The following SLC12A2 variants were observed in gnomAD, a reference collection of about 807,000 sequenced individuals.
SLC12A2 encodes Na-K-2Cl cotransporter 1.
A neutral mutation model predicts 136.3 loss-of-function variants in SLC12A2; 67 were observed. The observed-to-expected ratio is 0.49, with a 90% CI of 0.40 to 0.60. SLC12A2 has a LOEUF of 0.60. Among genes scored for constraint, SLC12A2 ranks in the 20% least tolerant of loss-of-function variants. The pLI, the probability that SLC12A2 is intolerant of heterozygous loss-of-function variation, is 0.00. For synonymous variants in SLC12A2, 619 were observed against 562.9 expected (o/e 1.10, Z -1.41); for missense variants, 1,322 against 1,534.7 (o/e 0.86, Z 2.32).
chr5:128,086,396 A>G (rs978158809), intron 1 of SLC12A2, among the ~76,000 whole-genome samples: 2 of 152,010 alleles, frequency 1.3e-5, no homozygotes, highest in Admixed American at 6.6e-5. Context: ...AAATCACCCA[A>G]CCTCTTAGCT....
At chr5:128,120,950 G>A (rs1175431045) in intron 4 of SLC12A2, among the ~76,000 whole-genome samples, 2 of 151,948 alleles carry the variant, frequency 1.3e-5, no homozygotes, top group South Asian at 2.1e-4. Context: ...GAATTATAAC[G>A]TGTTTATATT....
At chr5:128,142,501 A>C (rs1307638026) in intron 10 of SLC12A2, among the ~76,000 whole-genome samples, 1 of 151,944 alleles carries the variant, frequency 6.6e-6, no homozygotes, top group African/African-American at 2.4e-5. Flanking sequence ...AAGAGCCCCT[A>C]GGAGGTAATG....
rs1350132275 is a variant in SLC12A2, at chr5:128,105,664, T to C, written c.757-7150T>C. Among the ~76,000 whole-genome samples, 4 of 152,190 alleles carry C rather than the reference T, an allele frequency of 2.6e-5. No individual in the cohort carries two copies. In the East Asian group the frequency reaches 7.7e-4, roughly 29 times the overall value. On this transcript the variant is annotated intron_variant, in intron 1 of 26. Coordinates refer to ENST00000262461, the MANE Select transcript of SLC12A2 (RefSeq NM_001046.3). ...AGGAGAGGGAATGATCAAGTTGAGG[T>C]GGAAATTTGAATATACTAGGGAAAG...
intron 1 of SLC12A2, among the ~76,000 whole-genome samples, chr5:128,112,484 G>A (rs1761187118): frequency 6.6e-6 from 1 of 152,212 alleles, no homozygotes; most frequent in Admixed American, 6.5e-5. Context: ...GATGGGGTCT[G>A]AATTGATCGA....
chr5:128,177,312 TA>T (rs1234109702), intron 21 of SLC12A2, among the ~76,000 whole-genome samples, 160 bp downstream of exon 21: 1 of 152,128 alleles, frequency 6.6e-6, no homozygotes, highest in Non-Finnish European at 1.5e-5. Context: ...TTAGTCTAAC[TA>T]AAAAGTTAAA....
chr5:128,181,461 T>C (rs1037355988), intron 23 of SLC12A2, among the ~76,000 whole-genome samples: 4 of 152,216 alleles, frequency 2.6e-5, no homozygotes, highest in African/African-American at 9.6e-5. Flanking sequence ...TGTTTTGTCT[T>C]TGACCTGTAA....
intron 2 of SLC12A2, among the ~76,000 whole-genome samples, chr5:128,113,745 A>G (rs1209184942): frequency 1.3e-5 from 2 of 152,198 alleles, no homozygotes; most frequent in African/African-American, 4.8e-5. Context: ...AACTAATTTG[A>G]ATTTTTAAAA....
chr5:128,116,622 G>T (rs1339061614), intron 4 of SLC12A2, among the ~76,000 whole-genome samples: 2 of 151,986 alleles, frequency 1.3e-5, no homozygotes, highest in Non-Finnish European at 1.5e-5. Flanking sequence ...GTTATGAGGT[G>T]TTCATACGAT....
intron 4 of SLC12A2, among the ~76,000 whole-genome samples, chr5:128,127,072 G>GT (rs2126691017): frequency 8.1e-6 from 1 of 123,816 alleles, no homozygotes; most frequent in South Asian, 2.8e-4. Flanking sequence ...CTTGCTAATA[G>GT]TTTAACAATT....
At chr5:128,114,563 A>C in intron 3 of SLC12A2, 23 bp from the exon 4 acceptor site, 2 of 1,487,040 alleles carry the variant, frequency 1.3e-6, no homozygotes, top group Non-Finnish European at 1.9e-6. Context: ...AAGTATTCTC[A>C]TTGTCTTTCT....
chr5:128,175,276 C>A (rs1285506460), intron 20 of SLC12A2, among the ~76,000 whole-genome samples: 2 of 152,008 alleles, frequency 1.3e-5, no homozygotes, highest in African/African-American at 4.8e-5. Context: ...CAGTTTATCT[C>A]TTCTATATTA....
chr5:128,083,796 C>T lies in SLC12A2; in HGVS notation c.-159C>T, dbSNP rs1372702934. The T allele has an allele frequency of 8.2e-6, 4 of 485,974 alleles. No homozygotes were observed. The highest frequency in any genetic ancestry group is 2.0e-5 in the African/African-American group (1 of 49,626). The allele number at this position is 485,974 out of a possible 1,614,324, so 30.1% of individuals were successfully genotyped here. On this transcript the variant is annotated 5_prime_UTR_variant, in exon 1 of 27. Transcript: ENST00000262461. ...CGCGCGCTCGCTCGGCTGCCGGTGG[C>T]CTCTGTGGCCGTCCAGGCTAGCGGC... is the stretch of plus-strand genomic sequence containing the variant.
At chr5:128,112,535 C>T (rs1287934617) in intron 1 of SLC12A2, among the ~76,000 whole-genome samples, 1 of 152,134 alleles carries the variant, frequency 6.6e-6, no homozygotes, top group East Asian at 1.9e-4. Context: ...TCATTGTTTC[C>T]TCCAGACACT....
intron 22 of SLC12A2, 99 bp from the exon 23 acceptor site, chr5:128,180,784 A>C (rs1331851916): frequency 2.8e-6 from 2 of 720,202 alleles, no homozygotes; most frequent in African/African-American, 1.8e-5. Flanking sequence ...TTTTTGTTTC[A>C]TATGGAGTTG....
At chr5:128,133,525 TC>T (rs1402271459) in intron 5 of SLC12A2, among the ~76,000 whole-genome samples, 11 of 152,220 alleles carry the variant, frequency 7.2e-5, no homozygotes, top group Admixed American at 2.6e-4. Context: ...AATATAGTCG[TC>T]CTGAGTTATC....
intron 22 of SLC12A2, 127 bp from the exon 23 acceptor site, chr5:128,180,756 C>G: frequency 1.6e-6 from 1 of 625,986 alleles, no homozygotes; most frequent in Non-Finnish European, 2.9e-6. Context: ...ACTGAATTAT[C>G]AAGGAAGGAC....
intron 26 of SLC12A2, 35 bp from the exon 27 acceptor site, chr5:128,186,461 G>GTTTTTTTTTTTTTTTTTTT (rs11382084): frequency 8.6e-7 from 1 of 1,156,780 alleles, no homozygotes; most frequent in African/African-American, 1.7e-5. Context: ...ATTGCTCAGG[G>GTTTTTTTTTTTTTTTTTTT]TTTTTTTTTT....
intron 16 of SLC12A2, among the ~76,000 whole-genome samples, chr5:128,161,295 A>G (rs560234861): frequency 1.8e-4 from 28 of 152,358 alleles, no homozygotes; most frequent in African/African-American, 5.0e-4. Flanking sequence ...GGGAGTAACA[A>G]AAACAAAACT....
At chr5:128,182,785 T>C (rs1387098061) in intron 23 of SLC12A2, 70 bp from the exon 24 acceptor site, 2 of 1,041,486 alleles carry the variant, frequency 1.9e-6, no homozygotes, top group Non-Finnish European at 2.9e-6. Context: ...TCATGCTTTT[T>C]AGATATATGG....
Sources: allele counts gnomAD v4.1 joint callset (sites outside exome capture counted in the v4.1 genomes callset), GRCh38; gene constraint gnomAD v4.1.1; transcripts MANE v1.5; gene names NCBI Gene and HGNC (gene_info 2026-07-23, HGNC 2026-07-21).